DCDC2C: variants seen among roughly 807,000 people sequenced by gnomAD.
DCDC2C encodes the protein doublecortin domain-containing protein 2C.
In DCDC2C, 44 loss-of-function variants were observed where a neutral mutation model predicts 45.0. The observed-to-expected ratio is 0.98, with a 90% CI of 0.77 to 1.26. The LOEUF is 1.26. DCDC2C is among the 50% of genes most tolerant of loss of function. The pLI is 0.00. For missense variants in DCDC2C, 447 were observed against 468.9 expected (o/e 0.95, Z 0.43); for synonymous variants, 187 against 178.8 (o/e 1.05, Z -0.37).
intron 10 of DCDC2C, among the ~76,000 whole-genome samples, chr2:3,809,408 T>C (rs933120811): frequency 6.6e-6 from 1 of 152,328 alleles, no homozygotes; most frequent in South Asian, 2.1e-4. Flanking sequence ...ATTTTTGAAA[T>C]GAGTGTTTTG....
chr2:3,816,062 A>G (rs1245057895), intron 10 of DCDC2C, among the ~76,000 whole-genome samples: 1 of 152,158 alleles, frequency 6.6e-6, no homozygotes, highest in African/African-American at 2.4e-5. Flanking sequence ...TAGTGGGATT[A>G]TGGGCGGCAT....
intron 10 of DCDC2C, among the ~76,000 whole-genome samples, chr2:3,825,111 T>A (rs1425420999): frequency 6.6e-6 from 1 of 152,212 alleles, no homozygotes; most frequent in East Asian, 1.9e-4. Flanking sequence ...TGGGCTCCTT[T>A]CCAGCCTTGC....
At chr2:3,777,619 A>C (rs1670381236) in intron 8 of DCDC2C, among the ~76,000 whole-genome samples, 1 of 152,224 alleles carries the variant, frequency 6.6e-6, no homozygotes, top group African/African-American at 2.4e-5. Flanking sequence ...CTCACCATAG[A>C]GTTTTATTCA....
intron 10 of DCDC2C, among the ~76,000 whole-genome samples, chr2:3,817,108 G>A (rs1671575644): frequency 6.6e-6 from 1 of 152,182 alleles, no homozygotes; most frequent in East Asian, 1.9e-4. Context: ...AGTGACCAAT[G>A]AGAAGGAGAA....
chr2:3,767,319 C>T lies in DCDC2C; in HGVS notation c.727-435C>T, dbSNP rs7608313. 8.4e-3 allele frequency among the ~76,000 whole-genome samples: 1,274 copies of T among 152,322 alleles called. 20 individuals are homozygous for T. Among genetic ancestry groups the T allele is most frequent in the African/African-American group, 0.029 (1,220 of 41,568 alleles). ...CCACATGGCTAATTCTCCTCACAGA[C>T]GCTCTCATCCTGCTCAGAGGTTCCA... On this transcript the variant is annotated intron_variant, in intron 6 of 10. Coordinates refer to ENST00000399143, the MANE Select transcript of DCDC2C (RefSeq NM_001287444.2).
intron 10 of DCDC2C, among the ~76,000 whole-genome samples, chr2:3,826,479 G>T (rs1671819257): frequency 6.6e-6 from 1 of 152,014 alleles, no homozygotes; most frequent in Non-Finnish European, 1.5e-5. Flanking sequence ...AAAATCTTTT[G>T]TAGGTATTAG....
chr2:3,774,688 A>G (rs930941021), intron 8 of DCDC2C, among the ~76,000 whole-genome samples: 8 of 152,232 alleles, frequency 5.3e-5, no homozygotes, highest in African/African-American at 1.9e-4. Context: ...TAGCGGAATC[A>G]GCCTTTACTT....
At chr2:3,737,652 A>G (rs1176022120) in intron 3 of DCDC2C, among the ~76,000 whole-genome samples, 1 of 151,994 alleles carries the variant, frequency 6.6e-6, no homozygotes, top group East Asian at 1.9e-4. Context: ...TTACCCTCTC[A>G]GAGGTCCAGA....
At chr2:3,759,927 G>T (rs1437343365) in intron 6 of DCDC2C, among the ~76,000 whole-genome samples, 1 of 152,216 alleles carries the variant, frequency 6.6e-6, no homozygotes, top group South Asian at 2.1e-4. Context: ...ACTAACTGCT[G>T]CCGTCAAGGC....
At chr2:3,791,183 T>C (rs755614442) in intron 10 of DCDC2C, among the ~76,000 whole-genome samples, 2 of 152,152 alleles carry the variant, frequency 1.3e-5, no homozygotes, top group Non-Finnish European at 2.9e-5. Flanking sequence ...TCATTTGGAC[T>C]CAAATAATAG....
At chr2:3,753,025 TATTTA>T in intron 5 of DCDC2C, 125 bp downstream of exon 5, 1 of 1,090,454 alleles carries the variant, frequency 9.2e-7, no homozygotes, top group Non-Finnish European at 1.3e-6. Context: ...GTAATATTCT[TATTTA>T]ATGTATGATA....
chr2:3,826,802 C>G (rs1671828830), intron 10 of DCDC2C, among the ~76,000 whole-genome samples: 1 of 152,092 alleles, frequency 6.6e-6, no homozygotes, highest in African/African-American at 2.4e-5. Context: ...TAATTAAGAT[C>G]CTATGAGATA....
At chr2:3,733,552 T>G (rs1668934694) in intron 3 of DCDC2C, among the ~76,000 whole-genome samples, 1 of 152,204 alleles carries the variant, frequency 6.6e-6, no homozygotes, top group Admixed American at 6.5e-5. Context: ...AGAAATTTTT[T>G]GCCCACAGTT....
At chr2:3,725,439 A>G (rs1470916) in intron 2 of DCDC2C, among the ~76,000 whole-genome samples, 2,109 of 45,948 alleles carry the variant, frequency 0.046, 8 homozygotes, top group East Asian at 0.12. Context: ...ATCCCAGAGG[A>G]AGACGAGCAG....
intron 8 of DCDC2C, among the ~76,000 whole-genome samples, chr2:3,769,939 A>G (rs1014376602): frequency 1.3e-5 from 2 of 152,148 alleles, no homozygotes; most frequent in African/African-American, 2.4e-5. Context: ...TGTGGCCAGC[A>G]CTGGTGCATG....
At chr2:3,729,439 G>A (rs1275822007) in intron 3 of DCDC2C, among the ~76,000 whole-genome samples, 1 of 152,248 alleles carries the variant, frequency 6.6e-6, no homozygotes, top group East Asian at 1.9e-4. Flanking sequence ...GTTGGGGAAG[G>A]AGCTGAGTTC....
At chr2:3,830,638 A>C (rs897975166) in intron 10 of DCDC2C, among the ~76,000 whole-genome samples, 1 of 151,890 alleles carries the variant, frequency 6.6e-6, no homozygotes, top group Non-Finnish European at 1.5e-5. Flanking sequence ...CGTAGTCGCG[A>C]CCCCACTCCA....
At chr2:3,825,145 C>T (rs1054026995) in intron 10 of DCDC2C, among the ~76,000 whole-genome samples, 8 of 152,204 alleles carry the variant, frequency 5.3e-5, no homozygotes, top group Non-Finnish European at 1.2e-4. Context: ...CTTTCCCTTA[C>T]CTGCTGCCCT....
At chr2:3,720,434 C>A (rs1487880184) in intron 2 of DCDC2C, among the ~76,000 whole-genome samples, 1 of 152,330 alleles carries the variant, frequency 6.6e-6, no homozygotes, top group African/African-American at 2.4e-5. Context: ...CATAGGAGGT[C>A]AGATGACAGT....
Sources: allele counts gnomAD v4.1 joint callset (sites outside exome capture counted in the v4.1 genomes callset), GRCh38; gene constraint gnomAD v4.1.1; transcripts MANE v1.5; gene names NCBI Gene and HGNC (gene_info 2026-07-23, HGNC 2026-07-21).